Variants in FAF1 observed in about 807,000 individuals in gnomAD.
FAF1 encodes FAS-associated factor 1.
In FAF1, 25 loss-of-function variants were observed where a neutral mutation model predicts 92.5. The observed-to-expected ratio is 0.27, with a 90% confidence interval of 0.20 to 0.38. The LOEUF is 0.38. FAF1 is among the 10% of genes least tolerant of loss of function. FAF1 has a pLI of 1.00. For synonymous variants in FAF1, 234 were observed against 273.2 expected (o/e 0.86, Z 1.42); for missense variants, 636 against 793.3 (o/e 0.80, Z 2.38).
At chr1:50,853,114 TCATTCATAAAACTG>T (rs1644364036) in intron 2 of FAF1, among the ~76,000 whole-genome samples, 1 of 152,170 alleles carries the variant, frequency 6.6e-6, no homozygotes, top group Non-Finnish European at 1.5e-5. Context: ...GTTAGTCTAT[TCATTCATAAAACTG>T]CAGGTGTTCA....
chr1:50,853,934 T>C (rs1426655119), intron 2 of FAF1, among the ~76,000 whole-genome samples: 1 of 152,026 alleles, frequency 6.6e-6, no homozygotes, highest in African/African-American at 2.4e-5. Flanking sequence ...TAGGACAAAA[T>C]AGATCCTTCA....
At chr1:50,811,692 A>G (rs1306955187) in intron 2 of FAF1, among the ~76,000 whole-genome samples, 1 of 152,250 alleles carries the variant, frequency 6.6e-6, no homozygotes, top group African/African-American at 2.4e-5. Flanking sequence ...CATTCTTCAC[A>G]TAATTAGAAA....
rs201629986 is a variant in FAF1 at position 50,555,610 on chromosome 1, CTAA to C, written c.1268+11464_1268+11466del. ...ACAGCCATTATTAAAAAGTCAAAAA[CTAA>C]TAGATGTTGACACAGATGCAGTAAA... is the stretch of plus-strand genomic sequence containing the variant. On this transcript the variant is annotated intron_variant, in intron 13 of 18. Coordinates refer to ENST00000396153, the MANE Select transcript of FAF1 (RefSeq NM_007051.3). 1.3e-3 allele frequency among the ~76,000 whole-genome samples: 201 copies of C among 152,154 alleles called. 4 individuals are homozygous for C. In the East Asian group the frequency reaches 0.033, roughly 25 times the overall value.
intron 2 of FAF1, among the ~76,000 whole-genome samples, chr1:50,831,341 C>T (rs1415674804): frequency 6.6e-6 from 1 of 152,142 alleles, no homozygotes; most frequent in Non-Finnish European, 1.5e-5. Context: ...TGTCTTTCCT[C>T]AAGATTTAAA....
At chr1:50,819,383 G>A (rs1644010109) in intron 2 of FAF1, among the ~76,000 whole-genome samples, 2 of 151,338 alleles carry the variant, frequency 1.3e-5, no homozygotes, top group African/African-American at 4.9e-5. Flanking sequence ...GGGAGATTGA[G>A]GAAGGGAGAT....
intron 18 of FAF1, among the ~76,000 whole-genome samples, chr1:50,463,948 A>G (rs551328968): frequency 6.6e-6 from 1 of 152,324 alleles, no homozygotes; most frequent in South Asian, 2.1e-4. Flanking sequence ...TTTGTGGAAA[A>G]AAGTAATGTT....
intron 4 of FAF1, among the ~76,000 whole-genome samples, chr1:50,779,016 T>C (rs1248111225): frequency 1.3e-5 from 2 of 152,246 alleles, no homozygotes; most frequent in African/African-American, 2.4e-5. Context: ...TAAGTTTATG[T>C]CACATTCTAA....
intron 15 of FAF1, among the ~76,000 whole-genome samples, chr1:50,494,980 T>G (rs553076437): frequency 6.6e-6 from 1 of 152,144 alleles, no homozygotes; most frequent in East Asian, 1.9e-4. Context: ...GTTAAAAAAA[T>G]TTTTTTTGAG....
chr1:50,453,647 TC>T (rs1425692864), intron 18 of FAF1, among the ~76,000 whole-genome samples: 1 of 152,166 alleles, frequency 6.6e-6, no homozygotes, highest in Non-Finnish European at 1.5e-5. Context: ...TGAAGGCTGG[TC>T]CAGCAGCGGC....
intron 7 of FAF1, among the ~76,000 whole-genome samples, chr1:50,662,675 A>AT (rs1488609642): frequency 3.4e-5 from 5 of 144,948 alleles, no homozygotes; most frequent in Non-Finnish European, 4.5e-5. Flanking sequence ...ATTAAAATGA[A>AT]TTTGTATCTT....
At chr1:50,918,952 A>G (rs1401022204) in intron 1 of FAF1, among the ~76,000 whole-genome samples, 3 of 152,154 alleles carry the variant, frequency 2.0e-5, no homozygotes, top group Non-Finnish European at 4.4e-5. Flanking sequence ...AGTGATGATG[A>G]GCATTTCTTC....
intron 8 of FAF1, among the ~76,000 whole-genome samples, chr1:50,649,496 A>G (rs1026549386): frequency 6.6e-6 from 1 of 152,168 alleles, no homozygotes; most frequent in Non-Finnish European, 1.5e-5. Context: ...TTACTTGTAA[A>G]TTATTTCACA....
chr1:50,478,329 A>C (rs905437594), intron 17 of FAF1, among the ~76,000 whole-genome samples: 2 of 152,016 alleles, frequency 1.3e-5, no homozygotes, highest in African/African-American at 4.8e-5. Flanking sequence ...ACACCTGGCT[A>C]ATTTTTGTAT....
intron 5 of FAF1, among the ~76,000 whole-genome samples, chr1:50,741,950 C>T (rs1415479629): frequency 1.3e-5 from 2 of 152,046 alleles, no homozygotes; most frequent in African/African-American, 4.8e-5. Context: ...AATATAAATT[C>T]GGAGGCAATC....
intron 5 of FAF1, 137 bp downstream of exon 5, chr1:50,744,547 A>C: frequency 1.6e-6 from 1 of 625,080 alleles, no homozygotes; most frequent in Non-Finnish European, 2.8e-6. Context: ...CTACTTGCTG[A>C]TTCCTTAAAC....
At position 50,578,088 on chromosome 1, in the gene FAF1, T is replaced by C. The variant is rs556045723; in HGVS notation, c.1113+4530A>G. ...AGTTGATGAAGCTCCCCAAATCCTT[T>C]GTAATCCCACCACTCCAATAAACAT... On this transcript the variant is annotated intron_variant, in intron 12 of 18. Coordinates refer to ENST00000396153, the MANE Select transcript of FAF1 (RefSeq NM_007051.3). Among the ~76,000 whole-genome samples the C allele has an allele frequency of 2.6e-5, 4 of 152,336 alleles. No homozygotes were observed. In the South Asian group the frequency reaches 8.3e-4, roughly 32 times the overall value.
intron 7 of FAF1, among the ~76,000 whole-genome samples, chr1:50,683,596 G>A (rs576887580): frequency 6.6e-6 from 1 of 151,326 alleles, no homozygotes; most frequent in African/African-American, 2.4e-5. Flanking sequence ...AAACTGATAG[G>A]AACCTTAATA....
At chr1:50,452,652 G>A (rs1646307787) in intron 18 of FAF1, among the ~76,000 whole-genome samples, 1 of 152,156 alleles carries the variant, frequency 6.6e-6, no homozygotes, top group Non-Finnish European at 1.5e-5. Flanking sequence ...AATGAAAGGG[G>A]AGACACCTGT....
At chr1:50,804,716 G>GT (rs1405958506) in intron 2 of FAF1, among the ~76,000 whole-genome samples, 2 of 152,044 alleles carry the variant, frequency 1.3e-5, no homozygotes, top group Non-Finnish European at 1.5e-5. Flanking sequence ...GTAAGTTTTT[G>GT]TTTGCTTTTT....
Sources: gnomAD v4.1 joint callset for allele counts (sites outside exome capture counted in the v4.1 genomes callset) on GRCh38, gnomAD v4.1.1 for gene constraint, MANE v1.5 for transcripts, NCBI Gene and HGNC (gene_info 2026-07-23, HGNC 2026-07-21) for gene names.